The following EFCAB5 variants were observed in gnomAD, a reference collection of about 807,000 sequenced individuals.
The protein encoded by EFCAB5 is EF-hand calcium-binding domain-containing protein 5.
EFCAB5 carries 131 observed loss-of-function variants against 167.9 expected under a neutral mutation model. That is an observed-to-expected ratio of 0.78 (90% CI 0.68 to 0.90). The LOEUF (loss-of-function observed/expected upper bound fraction) is 0.90, where lower values mean the gene tolerates loss of function less well. EFCAB5 is among the 40% of genes least tolerant of loss of function. The pLI, the probability that EFCAB5 is intolerant of heterozygous loss-of-function variation, is 0.00. For synonymous variants in EFCAB5, 574 were observed against 602.8 expected (o/e 0.95, Z 0.70); for missense variants, 1,663 against 1,745.2 (o/e 0.95, Z 0.84).
chr17:30,022,131 A>T (rs1309353469), intron 7 of EFCAB5, among the ~76,000 whole-genome samples: 1 of 151,980 alleles, frequency 6.6e-6, no homozygotes, highest in Admixed American at 6.6e-5. Flanking sequence ...GTTGACTGTG[A>T]CCTCTCTCAC....
intron 1 of EFCAB5, among the ~76,000 whole-genome samples, chr17:29,933,663 T>C (rs754367118): frequency 2.3e-4 from 35 of 152,194 alleles, no homozygotes; most frequent in Non-Finnish European, 4.7e-4. Context: ...CCTTAACTTG[T>C]ATCAATACTT....
chr17:30,061,467 G>T (rs975241305), intron 14 of EFCAB5, among the ~76,000 whole-genome samples: 18 of 152,292 alleles, frequency 1.2e-4, no homozygotes, highest in African/African-American at 4.1e-4. Context: ...GATTTAAATA[G>T]CTTAAAATCA....
At chr17:30,036,722 C>T (rs2069640579) in intron 8 of EFCAB5, among the ~76,000 whole-genome samples, 1 of 152,176 alleles carries the variant, frequency 6.6e-6, no homozygotes, top group Non-Finnish European at 1.5e-5. Flanking sequence ...CCACCACATC[C>T]AGCCTCGAAT....
At chr17:29,959,274 G>C (rs955285536) in intron 3 of EFCAB5, among the ~76,000 whole-genome samples, 1 of 152,078 alleles carries the variant, frequency 6.6e-6, no homozygotes, top group East Asian at 1.9e-4. Context: ...TAGAAATGCT[G>C]TCCAGGAACT....
chr17:29,952,115 A>G (rs1340851873), intron 3 of EFCAB5, among the ~76,000 whole-genome samples: 1 of 152,190 alleles, frequency 6.6e-6, no homozygotes, highest in African/African-American at 2.4e-5. Context: ...TCTGCTTCCT[A>G]GATGGCACCT....
intron 4 of EFCAB5, 142 bp downstream of exon 4, chr17:29,969,509 G>T: frequency 1.4e-6 from 1 of 738,850 alleles, no homozygotes; most frequent in Non-Finnish European, 2.1e-6. Context: ...ACTAGTATGT[G>T]CTTCACTCTT....
chr17:30,000,096 A>T lies in EFCAB5; in HGVS notation c.1044+120A>T, dbSNP rs1251871995. The T allele has an allele frequency of 4.7e-6, 3 of 641,556 alleles. No individual in the cohort carries two copies. The African/African-American group carries it at 5.5e-5, about 12-fold the overall frequency. The allele number at this position is 641,556 out of a possible 1,614,324, so 39.7% of individuals were successfully genotyped here. The stretch of plus-strand genomic sequence containing the variant: ...TGAAAGCACAAAACTTATTTTATAC[A>T]TTCTAAAATATGTACTTTAAAATAT... On this transcript the variant is annotated intron_variant, in intron 7 of 22. Coordinates refer to ENST00000394835, the MANE Select transcript of EFCAB5 (RefSeq NM_198529.4).
chr17:30,069,282 G>C, intron 14 of EFCAB5: 1 of 1,496,630 alleles, frequency 6.7e-7, no homozygotes, highest in African/African-American at 1.4e-5. Context: ...GGAACATGGG[G>C]AGATGGCAAA....
intron 8 of EFCAB5, among the ~76,000 whole-genome samples, chr17:30,048,586 C>G (rs773514217): frequency 2.0e-4 from 31 of 151,862 alleles, no homozygotes; most frequent in Non-Finnish European, 4.0e-4. Flanking sequence ...CATCCACCTC[C>G]TGGGTTCGAG....
At chr17:30,007,864 G>A (rs140074868) in intron 7 of EFCAB5, among the ~76,000 whole-genome samples, 10 of 152,258 alleles carry the variant, frequency 6.6e-5, no homozygotes, top group Admixed American at 2.0e-4. Context: ...GCTCACGCCT[G>A]TAATCCCAGC....
intron 20 of EFCAB5, among the ~76,000 whole-genome samples, chr17:30,091,437 T>C (rs945690240): frequency 1.3e-5 from 2 of 152,206 alleles, no homozygotes; most frequent in Non-Finnish European, 2.9e-5. Flanking sequence ...AAGGAGAAAT[T>C]TCATGTCTCC....
At chr17:30,042,008 C>A (rs1272587081) in intron 8 of EFCAB5, among the ~76,000 whole-genome samples, 1 of 151,798 alleles carries the variant, frequency 6.6e-6, no homozygotes, top group Non-Finnish European at 1.5e-5. Context: ...ATAGTATAAA[C>A]ATAACTTTTT....
intron 14 of EFCAB5, chr17:30,068,685 G>A (rs879271382): frequency 2.4e-5 from 38 of 1,576,034 alleles, no homozygotes; most frequent in Non-Finnish European, 3.1e-5. Context: ...TGAAGACGCA[G>A]AACAAGGCAC....
chr17:30,107,660 A>G (rs1026052900), intron 22 of EFCAB5, among the ~76,000 whole-genome samples, 174 bp from the exon 23 acceptor site: 1 of 152,180 alleles, frequency 6.6e-6, no homozygotes, highest in African/African-American at 2.4e-5. Flanking sequence ...ATTCCATTGT[A>G]TGACTATACC....
intron 10 of EFCAB5, among the ~76,000 whole-genome samples, chr17:30,055,291 T>C (rs2070220805): frequency 7.5e-6 from 1 of 133,842 alleles, no homozygotes. Context: ...AGTGAGACCC[T>C]ATCAAGAAAG....
At chr17:29,942,659 G>C (rs546793234) in intron 2 of EFCAB5, among the ~76,000 whole-genome samples, 1 of 152,198 alleles carries the variant, frequency 6.6e-6, no homozygotes, top group East Asian at 1.9e-4. Flanking sequence ...TAAATACAAG[G>C]CTACAATAAA....
intron 3 of EFCAB5, among the ~76,000 whole-genome samples, chr17:29,944,513 C>T (rs2067356375): frequency 6.6e-6 from 1 of 151,982 alleles, no homozygotes; most frequent in Admixed American, 6.6e-5. Flanking sequence ...AGGCAACCCA[C>T]TAATACAATA....
At chr17:30,045,210 C>A (rs1021662514) in intron 8 of EFCAB5, among the ~76,000 whole-genome samples, 3 of 152,058 alleles carry the variant, frequency 2.0e-5, no homozygotes, top group Non-Finnish European at 2.9e-5. Context: ...GTAATCCTAG[C>A]ACTTTGGAGG....
chr17:30,092,533 G>A (rs1179163109), intron 21 of EFCAB5, among the ~76,000 whole-genome samples: 1 of 152,102 alleles, frequency 6.6e-6, no homozygotes, highest in Admixed American at 6.5e-5. Context: ...GATTACAGGT[G>A]CCCGCCACCA....
Sources: gnomAD v4.1 joint callset for allele counts (sites outside exome capture counted in the v4.1 genomes callset) on GRCh38, gnomAD v4.1.1 for gene constraint, MANE v1.5 for transcripts, NCBI Gene and HGNC (gene_info 2026-07-23, HGNC 2026-07-21) for gene names.